The following INTS8 variants were observed in gnomAD, a reference collection of about 807,000 sequenced individuals.
The protein encoded by INTS8 is integrator complex subunit 8, also known as protein kaonashi-1.
Under a neutral mutation model 138.9 loss-of-function variants are expected in INTS8, and 47 were observed. The ratio of observed to expected loss-of-function variants is 0.34; its 90% CI spans 0.27 to 0.43. The LOEUF is 0.43. Ranked by LOEUF, INTS8 falls within the 20% of genes least tolerant of loss-of-function variation. The probability of loss-of-function intolerance (pLI) is 1.00; values close to 1 mark genes in which losing one functional copy is unlikely to be tolerated. For missense variants in INTS8, 996 were observed against 1,173.0 expected, an observed-to-expected ratio of 0.85 and a Z score of 2.20; for synonymous variants, 392 against 400.9, an observed-to-expected ratio of 0.98 and a Z score of 0.27.
At chr8:94,825,760 TCA>T (rs1040240863) in intron 2 of INTS8, among the ~76,000 whole-genome samples, 12 of 152,118 alleles carry the variant, frequency 7.9e-5, no homozygotes, top group African/African-American at 2.7e-4. Context: ...CCCCTTCTCA[TCA>T]CAATTTAAAA....
intron 6 of INTS8, 102 bp downstream of exon 6, chr8:94,832,276 C>T (rs944462589): frequency 1.5e-5 from 12 of 803,412 alleles, no homozygotes; most frequent in Non-Finnish European, 2.4e-5. Flanking sequence ...GCCTTTGTCT[C>T]TTAAGATGCT....
At chr8:94,850,992 T>C (rs2131032128) in intron 12 of INTS8, among the ~76,000 whole-genome samples, 1 of 152,318 alleles carries the variant, frequency 6.6e-6, no homozygotes, top group Middle Eastern at 3.4e-3. Flanking sequence ...TTTAAACTGG[T>C]TGAATGTCCA....
rs552058767 is a variant in INTS8 at position 94,848,834 on chromosome 8, T to C, written c.1261-628T>C. ...GCAATTTCTTGAGATTATGGACTTT[T>C]ACACTAGTTATATTTTATTTTGGCT... On this transcript the variant is annotated intron_variant, in intron 10 of 26. Transcript: ENST00000523731. Among the ~76,000 whole-genome samples the C allele has an allele frequency of 2.0e-5, 3 of 152,262 alleles. No homozygotes were observed. In the East Asian group the frequency reaches 5.8e-4, roughly 29 times the overall value.
intron 16 of INTS8, among the ~76,000 whole-genome samples, chr8:94,863,375 A>G (rs1209725473): frequency 6.6e-6 from 1 of 152,198 alleles, no homozygotes; most frequent in Non-Finnish European, 1.5e-5. Context: ...ATTAGCCAGG[A>G]TGTCCTTTCC....
rs542692670 is a variant in INTS8 at position 94,845,801 on chromosome 8, T to C, written c.1260+3313T>C. Among the ~76,000 whole-genome samples the C allele has an allele frequency of 2.6e-5, 4 of 152,292 alleles. No individual in the cohort carries two copies. The East Asian group carries it at 7.7e-4, about 29-fold the overall frequency. On this transcript the variant is annotated intron_variant, in intron 10 of 26. Coordinates refer to ENST00000523731, the MANE Select transcript of INTS8 (RefSeq NM_017864.4). ...ATGTGTCAACATTAGACTCAGATTG[T>C]CAAGTTCCACAAATCTGTTGGATTT...
chr8:94,859,444 G>A, intron 15 of INTS8, 67 bp from the exon 16 acceptor site: 3 of 1,480,766 alleles, frequency 2.0e-6, no homozygotes, highest in Non-Finnish European at 2.8e-6. Context: ...ATCTGAGCAA[G>A]TATTTGCTTT....
At position 94,859,508 on chromosome 8, in the gene INTS8, T is replaced by C. The variant is rs766148882; in HGVS notation, c.1955-3T>C. The C allele has an allele frequency of 3.7e-6, 6 of 1,611,816 alleles. No individual in the cohort carries two copies. In the Admixed American group the frequency reaches 1.0e-4, roughly 27 times the overall value. On this transcript the variant is annotated splice_region_variant and splice_polypyrimidine_tract_variant and intron_variant, in intron 15 of 26. Coordinates refer to ENST00000523731, the MANE Select transcript of INTS8 (RefSeq NM_017864.4). ...TCCAACTGTTTTCTTCTTTGCTTTT[T>C]AGATATTCCTCTTCGTCAAGTTATA...
At chr8:94,876,568 A>C in intron 26 of INTS8, 79 bp downstream of exon 26, 4 of 884,852 alleles carry the variant, frequency 4.5e-6, no homozygotes, top group Non-Finnish European at 5.1e-6. Context: ...CCAACAAAAA[A>C]TAGATTTTGT....
chr8:94,828,671 C>T (rs962602058), intron 4 of INTS8, among the ~76,000 whole-genome samples: 1 of 152,134 alleles, frequency 6.6e-6, no homozygotes, highest in Admixed American at 6.6e-5. Context: ...GTAATCCTAA[C>T]ACTTTGGGAG....
rs529553629 is a variant in INTS8, at chr8:94,880,546, ATAGC to A, written c.*317_*320del. ...AAAAGCTAATTTAAAATATTTAGAA[ATAGC>A]TAGCCTATGTACAGCAAGTTTTCAT... On this transcript the variant is annotated 3_prime_UTR_variant, in exon 27 of 27. Coordinates refer to ENST00000523731, the MANE Select transcript of INTS8 (RefSeq NM_017864.4). 389 of 313,194 alleles carry A rather than the reference ATAGC, an allele frequency of 1.2e-3. 3 individuals are homozygous for A. The highest frequency in any genetic ancestry group is 3.9e-3 in the South Asian group (30 of 7,708). 19.4% of individuals were successfully genotyped at this position (313,194 alleles called of 1,614,324 possible).
chr8:94,838,369 G>A, intron 7 of INTS8, 94 bp from the exon 8 acceptor site: 2 of 1,083,286 alleles, frequency 1.8e-6, no homozygotes, highest in Non-Finnish European at 2.7e-6. Flanking sequence ...TTTTTCGTTA[G>A]CATTTCCTTG....
rs769475974 is a variant in INTS8, at chr8:94,851,677, G to A, written c.1632G>A (p.Val544=). ...CTTCAGAGCGCCAGTTCTGGACAGTGTCTAATAAGGTAAACCCTATGTCAA... is the reference window on the plus strand; with the variant it reads ...CTTCAGAGCGCCAGTTCTGGACAGTATCTAATAAGGTAAACCCTATGTCAA... The part of the protein sequence containing the change: ...GMTSERQFWT[V]SNKWEVPSVY... The change falls in exon 13 of 27, where the codon GTG becomes GTA. Residue 544 remains valine (V), a synonymous_variant. Coordinates refer to ENST00000523731, the MANE Select transcript of INTS8 (RefSeq NM_017864.4). 22 of 1,587,366 alleles carry A rather than the reference G, an allele frequency of 1.4e-5. No individual in the cohort carries two copies. Among genetic ancestry groups the A allele is most frequent in the Non-Finnish European group, 1.8e-5 (21 of 1,172,210 alleles).
intron 15 of INTS8, among the ~76,000 whole-genome samples, chr8:94,858,960 A>G (rs1448296822): frequency 6.6e-6 from 1 of 152,206 alleles, no homozygotes; most frequent in Non-Finnish European, 1.5e-5. Flanking sequence ...TTATGCTTAT[A>G]AACAGTGTTT....
chr8:94,847,257 G>T (rs938887711), intron 10 of INTS8, among the ~76,000 whole-genome samples: 1 of 152,036 alleles, frequency 6.6e-6, no homozygotes, highest in Non-Finnish European at 1.5e-5. Context: ...GGCTGGGCTG[G>T]TTTCAAACTC....
intron 12 of INTS8, among the ~76,000 whole-genome samples, chr8:94,850,671 CAGTATGT>C (rs898641143): frequency 1.3e-5 from 2 of 150,990 alleles, no homozygotes; most frequent in African/African-American, 4.9e-5. Context: ...ACACTGCTGC[CAGTATGT>C]TCATGGAGGT....
At chr8:94,829,855 G>A (rs762036757) in intron 5 of INTS8, among the ~76,000 whole-genome samples, 1 of 151,938 alleles carries the variant, frequency 6.6e-6, no homozygotes, top group Admixed American at 6.5e-5. Flanking sequence ...TGACAAACAT[G>A]TATAGTTTAT....
intron 12 of INTS8, among the ~76,000 whole-genome samples, chr8:94,851,034 A>G (rs757690348): frequency 2.6e-5 from 4 of 152,212 alleles, no homozygotes; most frequent in Non-Finnish European, 5.9e-5. Flanking sequence ...GTTAACACAG[A>G]AATGCTGGAA....
intron 12 of INTS8, among the ~76,000 whole-genome samples, chr8:94,851,177 C>T (rs906699332): frequency 2.6e-5 from 4 of 152,134 alleles, no homozygotes; most frequent in Non-Finnish European, 5.9e-5. Context: ...TCAAAATTAA[C>T]ATTTTATATA....
chr8:94,876,556 A>G (rs1469709429), intron 26 of INTS8, 67 bp downstream of exon 26: 2 of 985,780 alleles, frequency 2.0e-6, no homozygotes, highest in African/African-American at 3.3e-5. Context: ...TTAAGATGTG[A>G]ACCAACAAAA....
Sources: allele counts gnomAD v4.1 joint callset (sites outside exome capture counted in the v4.1 genomes callset), GRCh38; gene constraint gnomAD v4.1.1; transcripts MANE v1.5; gene names NCBI Gene and HGNC (gene_info 2026-07-23, HGNC 2026-07-21).